Variants in ROBO2 observed in about 807,000 individuals in gnomAD.
ROBO2 encodes the protein roundabout guidance receptor 2.
In ROBO2, 53 loss-of-function variants were observed where a neutral mutation model predicts 160.8. The observed-to-expected ratio is 0.33, with a 90% CI of 0.26 to 0.41. The LOEUF is 0.41. ROBO2 is among the 10% of genes least tolerant of loss of function. ROBO2 has a pLI of 1.00. For synonymous variants in ROBO2, 664 were observed against 611.7 expected, an observed-to-expected ratio of 1.09 and a Z score of -1.26; for missense variants, 1,577 against 1,722.4, an observed-to-expected ratio of 0.92 and a Z score of 1.49.
chr3:76,803,040 T>C (rs1291049406), intron 2 of ROBO2, among the ~76,000 whole-genome samples: 1 of 152,140 alleles, frequency 6.6e-6, no homozygotes, highest in Non-Finnish European at 1.5e-5. Context: ...TTGATCTCAT[T>C]ACATTAATAG....
intron 1 of ROBO2, among the ~76,000 whole-genome samples, chr3:75,924,956 G>A (rs1383247028): frequency 1.3e-5 from 2 of 151,764 alleles, no homozygotes; most frequent in African/African-American, 4.8e-5. Flanking sequence ...CCAAAGTGCT[G>A]GGATTACAGG....
intron 21 of ROBO2, among the ~76,000 whole-genome samples, chr3:77,614,864 C>T (rs547788870): frequency 1.2e-3 from 178 of 152,308 alleles, no homozygotes; most frequent in African/African-American, 3.9e-3. Context: ...CTATCCCTAA[C>T]TCTCTTGCCT....
At chr3:76,141,077 A>ATATATAT (rs1553656028) in intron 2 of ROBO2, among the ~76,000 whole-genome samples, 20 of 105,900 alleles carry the variant, frequency 1.9e-4, no homozygotes, top group African/African-American at 2.5e-4. Context: ...ATATATATAT[A>ATATATAT]AAATATATGT....
intron 2 of ROBO2, among the ~76,000 whole-genome samples, chr3:76,927,395 A>G (rs2077052759): frequency 6.6e-6 from 1 of 152,192 alleles, no homozygotes; most frequent in African/African-American, 2.4e-5. Context: ...CCATACAATA[A>G]AAGCTCTATA....
intron 24 of ROBO2, among the ~76,000 whole-genome samples, chr3:77,642,451 A>T (rs1260602490): frequency 6.6e-6 from 1 of 152,208 alleles, no homozygotes; most frequent in African/African-American, 2.4e-5. Context: ...TTAACTGTTG[A>T]ATAAAACTAG....
chr3:76,086,345 C>T (rs946343154), intron 2 of ROBO2, among the ~76,000 whole-genome samples: 1 of 152,058 alleles, frequency 6.6e-6, no homozygotes, highest in Non-Finnish European at 1.5e-5. Flanking sequence ...TCAGTCACTT[C>T]CTGCTAAGTC....
intron 2 of ROBO2, among the ~76,000 whole-genome samples, chr3:77,426,266 G>T (rs1273668588): frequency 3.9e-5 from 6 of 152,126 alleles, no homozygotes; most frequent in African/African-American, 1.4e-4. Context: ...GGGAAAGACT[G>T]ATCAAGGAGA....
chr3:76,836,132 G>T (rs2067670092), intron 2 of ROBO2, among the ~76,000 whole-genome samples: 1 of 151,948 alleles, frequency 6.6e-6, no homozygotes, highest in African/African-American at 2.4e-5. Flanking sequence ...TATTTTTTAT[G>T]AATTAATTTG....
intron 2 of ROBO2, among the ~76,000 whole-genome samples, chr3:77,469,803 T>C (rs1038991400): frequency 6.6e-6 from 1 of 152,176 alleles, no homozygotes; most frequent in African/African-American, 2.4e-5. Context: ...GTCTATTTTA[T>C]ATCATAAAAA....
chr3:77,063,692 G>A (rs891049401), intron 1 of ROBO2, among the ~76,000 whole-genome samples: 17 of 152,148 alleles, frequency 1.1e-4, no homozygotes, highest in African/African-American at 2.2e-4. Context: ...GCAAAGCAAC[G>A]TATACATAAG....
At chr3:76,123,423 G>T (rs1014692493) in intron 2 of ROBO2, among the ~76,000 whole-genome samples, 1 of 152,054 alleles carries the variant, frequency 6.6e-6, no homozygotes, top group African/African-American at 2.4e-5. Context: ...TACTATTAAT[G>T]AGTTTCTTGT....
At chr3:77,347,145 G>A (rs1195654533) in intron 2 of ROBO2, among the ~76,000 whole-genome samples, 1 of 152,084 alleles carries the variant, frequency 6.6e-6, no homozygotes, top group Non-Finnish European at 1.5e-5. Context: ...TTCCATTTAA[G>A]TTTAGTTCTC....
chr3:77,580,407 T>G (rs2093885205), intron 16 of ROBO2, among the ~76,000 whole-genome samples: 1 of 152,152 alleles, frequency 6.6e-6, no homozygotes, highest in Non-Finnish European at 1.5e-5. Context: ...GCAATTTTGG[T>G]GCCATTGAAA....
upstream of ROBO2, among the ~76,000 whole-genome samples, chr3:77,035,235 G>C (rs2063558419): frequency 6.6e-6 from 1 of 151,838 alleles, no homozygotes; most frequent in African/African-American, 2.4e-5. Context: ...GGACCTTCTT[G>C]AACTGACACT....
chr3:76,978,943 T>A (rs1042138516), intron 2 of ROBO2, among the ~76,000 whole-genome samples: 2 of 145,676 alleles, frequency 1.4e-5, no homozygotes, highest in African/African-American at 5.2e-5. Flanking sequence ...TGTTTGTTTT[T>A]TAAAAAAAAA....
intron 16 of ROBO2, among the ~76,000 whole-genome samples, chr3:77,584,068 C>T (rs1255492408): frequency 2.0e-5 from 3 of 152,106 alleles, no homozygotes; most frequent in African/African-American, 4.8e-5. Flanking sequence ...TCTTTGCATG[C>T]ACAGTTCAGG....
chr3:76,232,717 A>G (rs1169282655), intron 2 of ROBO2, among the ~76,000 whole-genome samples: 2 of 152,184 alleles, frequency 1.3e-5, no homozygotes, highest in Non-Finnish European at 2.9e-5. Context: ...TATACATTTC[A>G]TGATCACAGA....
At position 76,551,130 on chromosome 3, in the gene ROBO2, G is replaced by A. The variant is rs150257215; in HGVS notation, c.110-546884G>A. Among the ~76,000 whole-genome samples the A allele has an allele frequency of 4.6e-5, 7 of 152,202 alleles. No homozygotes were observed. The East Asian group carries it at 1.4e-3, about 30-fold the overall frequency. On this transcript the variant is annotated intron_variant, in intron 2 of 26. Coordinates refer to the ROBO2 transcript ENST00000487694. Reference sequence around the variant, plus strand: ...GTCCCACCCATGGCCATCCATGGAAGCACAATCAGCATGAACTTTCTCCCT... The same window carrying A: ...GTCCCACCCATGGCCATCCATGGAAACACAATCAGCATGAACTTTCTCCCT...
At chr3:77,125,735 G>C (rs1286992507) in intron 2 of ROBO2, among the ~76,000 whole-genome samples, 1 of 152,110 alleles carries the variant, frequency 6.6e-6, no homozygotes, top group Admixed American at 6.5e-5. Context: ...GTATTTACCA[G>C]TTATTTAGTA....
Sources: allele counts gnomAD v4.1 joint callset (sites outside exome capture counted in the v4.1 genomes callset), GRCh38; gene constraint gnomAD v4.1.1; transcripts MANE v1.5; gene names NCBI Gene and HGNC (gene_info 2026-07-23, HGNC 2026-07-21).